Variants in SIM2 observed in about 807,000 individuals in gnomAD.
SIM2 encodes the protein single-minded homolog 2.
In SIM2, 28 loss-of-function variants were observed where a neutral mutation model predicts 64.8. The observed-to-expected ratio is 0.43, with a 90% CI of 0.32 to 0.59. The LOEUF (loss-of-function observed/expected upper bound fraction) is 0.59. Ranked by LOEUF, SIM2 falls within the 20% of genes least tolerant of loss-of-function variation. The pLI, the probability that SIM2 is intolerant of heterozygous loss-of-function variation, is 0.07. For synonymous variants in SIM2, 408 were observed against 391.1 expected, an observed-to-expected ratio of 1.04 and a Z score of -0.51; for missense variants, 847 against 871.4, an observed-to-expected ratio of 0.97 and a Z score of 0.35.
chr21:36,702,393 G>C (rs535514423), intron 1 of SIM2, among the ~76,000 whole-genome samples: 1 of 152,326 alleles, frequency 6.6e-6, no homozygotes, highest in East Asian at 1.9e-4. Flanking sequence ...CAGTGGCTTA[G>C]TCCCTCCCTC....
rs774516027 is a variant in SIM2 at position 36,745,080 on chromosome 21, A to G, written c.1520A>G (p.Asn507Ser). The change falls in exon 10 of 11, where the codon AAT becomes AGT. Residue 507 changes from asparagine to serine, a missense_variant. Asn to Ser is a conservative substitution (Grantham distance 46, BLOSUM62 1). This residue lies in a region of SIM2 where 447 missense variants were observed against 414.6 expected (regional missense o/e 1.08). Coordinates refer to ENST00000290399, the MANE Select transcript of SIM2 (RefSeq NM_005069.6). This position sits in a 1 kb window ranked among gnomAD's most constrained non-coding sequence, Gnocchi z 4.8. ...CCTAGCAGCTCGTCTCCAGCTAAAAATCCTCCAGAGCCACCGGCGAACACT... is the reference window on the plus strand; with the variant it reads ...CCTAGCAGCTCGTCTCCAGCTAAAAGTCCTCCAGAGCCACCGGCGAACACT... ...LVPSSSSPAK[N>S]PPEPPANTAR... 2 of 1,613,218 alleles carry G rather than the reference A, an allele frequency of 1.2e-6. No individual in the cohort carries two copies. The highest frequency in any genetic ancestry group is 1.7e-6 in the Non-Finnish European group (2 of 1,179,354).
intron 7 of SIM2, among the ~76,000 whole-genome samples, chr21:36,737,353 C>G (rs1473651207): frequency 1.3e-5 from 2 of 152,122 alleles, no homozygotes. Context: ...TCCAGCCTGG[C>G]CTCAGGAAAG....
chr21:36,699,631 T>A lies in SIM2; in HGVS notation c.-116T>A. The A allele has an allele frequency of 2.5e-6, 3 of 1,213,066 alleles. No homozygotes were observed. The highest frequency in any genetic ancestry group is 3.3e-6 in the Non-Finnish European group (3 of 901,216). 75.1% of individuals were successfully genotyped at this position (1,213,066 alleles called of 1,614,324 possible). On this transcript the variant is annotated 5_prime_UTR_variant, in exon 1 of 11. Coordinates refer to ENST00000290399, the MANE Select transcript of SIM2 (RefSeq NM_005069.6). The surrounding 1 kb of genome is among the most constrained non-coding windows in gnomAD (Gnocchi z 5.6). ...CCCCCCGCACCTGCCCGCGGCCCACTCCGCGGACTCACCTGGCTCCCGGCT... is the reference window on the plus strand; with the variant it reads ...CCCCCCGCACCTGCCCGCGGCCCACACCGCGGACTCACCTGGCTCCCGGCT...
rs1416695448 is a variant in SIM2, at chr21:36,726,567, C to T, written c.743+249C>T. Among the ~76,000 whole-genome samples, 1 of 152,144 alleles carries T rather than the reference C, an allele frequency of 6.6e-6. No individual in the cohort carries two copies. The highest frequency in any genetic ancestry group is 1.5e-5 in the Non-Finnish European group (1 of 68,032). ...ACTTATTGATTACTTATTTTATTTA[C>T]TTATTGATTACTTGTTTTATTTTAT... On this transcript the variant is annotated intron_variant, in intron 6 of 10. Transcript: ENST00000290399. The surrounding 1 kb of genome is among the most constrained non-coding windows in gnomAD (Gnocchi z 4.5).
chr21:36,744,310 AC>A (rs1366041918), intron 9 of SIM2, among the ~76,000 whole-genome samples: 2 of 130,626 alleles, frequency 1.5e-5, no homozygotes. Context: ...CCACATTATG[AC>A]AAAAAAAAAA....
At chr21:36,717,394 A>C (rs930250545) in intron 3 of SIM2, among the ~76,000 whole-genome samples, 24 of 151,982 alleles carry the variant, frequency 1.6e-4, no homozygotes, top group African/African-American at 5.3e-4. Context: ...TTTCATTTTT[A>C]AAATAAACTG....
intron 7 of SIM2, among the ~76,000 whole-genome samples, chr21:36,741,334 T>A (rs2089155775): frequency 6.6e-6 from 1 of 152,184 alleles, no homozygotes; most frequent in African/African-American, 2.4e-5. Flanking sequence ...TCACCCCCCC[T>A]CCCCATTAAG....
chr21:36,743,927 TA>T (rs898059422), intron 9 of SIM2, among the ~76,000 whole-genome samples: 4 of 152,148 alleles, frequency 2.6e-5, no homozygotes, highest in African/African-American at 9.7e-5. Context: ...TCCCTCTTTT[TA>T]AAAAAGTAGT....
In SIM2 at chr21:36,747,720, G is replaced by C; in HGVS notation, c.1632G>C (p.Pro544=). ...AGGACACCGCGCCCCCGAGCTTCCC[G>C]AGCTGCGGCCACTACCGCGAGGAGC... ...FGEDTAPPSF[P]SCGHYREEPA... is the part of the protein sequence containing the mutation. The change falls in exon 11 of 11, where the codon CCG becomes CCC. Residue 544 remains proline (P), a synonymous_variant. Transcript: ENST00000290399. This position sits in a 1 kb window ranked among gnomAD's most constrained non-coding sequence, Gnocchi z 4.5. 7.9e-7 allele frequency: 1 copy of C among 1,273,472 alleles called. No individual in the cohort carries two copies. Among genetic ancestry groups the C allele is most frequent in the Non-Finnish European group, 9.9e-7 (1 of 1,007,738 alleles). 78.9% of individuals were successfully genotyped at this position (1,273,472 alleles called of 1,614,324 possible). A position where few individuals can be genotyped will look rare whatever the true frequency, so the allele number is the denominator to read the frequency against.
Position 36,702,940 on chromosome 21 carries a change from AAG to A in SIM2, c.175+3021_175+3022del, listed in dbSNP as rs1491450518. 1.8e-3 allele frequency among the ~76,000 whole-genome samples: 25 copies of A among 13,710 alleles called. 1 individual carries two copies. Among genetic ancestry groups the A allele is most frequent in the South Asian group, 0.017 (7 of 422 alleles). The allele number at this position is 13,710 out of a possible 152,430, so 9.0% of individuals were successfully genotyped here. A position where few individuals can be genotyped will look rare whatever the true frequency, so the allele number is the denominator to read the frequency against. On this transcript the variant is annotated intron_variant, in intron 1 of 10. Coordinates refer to ENST00000290399, the MANE Select transcript of SIM2 (RefSeq NM_005069.6). ...GAGACCAGCTTAGGACTCTGGGAGG[AAG>A]AAAAAAAAAAAAAGAATAGCATAGT...
chr21:36,730,053 G>A (rs1234518841), intron 6 of SIM2, among the ~76,000 whole-genome samples: 4 of 152,142 alleles, frequency 2.6e-5, no homozygotes, highest in African/African-American at 9.7e-5. Context: ...CTTCTGGGGG[G>A]TCTGAACCAA....
Position 36,745,954 on chromosome 21 carries a change from A to G in SIM2, c.1576+818A>G. 2 of 1,239,590 alleles carry G rather than the reference A, an allele frequency of 1.6e-6. No individual in the cohort carries two copies. Among genetic ancestry groups the G allele is most frequent in the Non-Finnish European group, 2.1e-6 (2 of 954,560 alleles). 76.8% of individuals were successfully genotyped at this position (1,239,590 alleles called of 1,614,324 possible). ...TTGCACCGAGACCTAACTGCCGCTC[A>G]GAGTGTAGACCGAGATGGTGCAGAT... is the stretch of plus-strand genomic sequence containing the variant. On this transcript the variant is annotated intron_variant, in intron 10 of 10. Transcript: ENST00000290399. The surrounding 1 kb of genome is among the most constrained non-coding windows in gnomAD (Gnocchi z 4.8).
intron 3 of SIM2, among the ~76,000 whole-genome samples, chr21:36,718,740 G>A (rs2088779427): frequency 6.6e-6 from 1 of 152,112 alleles, no homozygotes; most frequent in Non-Finnish European, 1.5e-5. Flanking sequence ...GCCACCCTCA[G>A]CACTATTGAT....
rs1568919566 is a variant in SIM2 at position 36,699,711 on chromosome 21, C to T, written c.-36C>T. 3 of 1,600,470 alleles carry T rather than the reference C, an allele frequency of 1.9e-6. No homozygotes were observed. Among genetic ancestry groups the T allele is most frequent in the East Asian group, 2.3e-5 (1 of 43,722 alleles). ...CGAGCGGGGCTCCGCGGGCCTGGAGCACGGCCGGGTCTAATATGCCCGGAG... is the reference window on the plus strand; with the variant it reads ...CGAGCGGGGCTCCGCGGGCCTGGAGTACGGCCGGGTCTAATATGCCCGGAG... On this transcript the variant is annotated 5_prime_UTR_variant, in exon 1 of 11. Transcript: ENST00000290399. The surrounding 1 kb of genome is among the most constrained non-coding windows in gnomAD (Gnocchi z 5.6).
At chr21:36,709,356 A>G (rs1389398899) in intron 2 of SIM2, 106 bp downstream of exon 2, 4 of 939,530 alleles carry the variant, frequency 4.3e-6, no homozygotes, top group South Asian at 4.2e-5. Context: ...AGGCAGATCC[A>G]GAGGCTGCCG....
chr21:36,749,281 T>C lies in SIM2; in HGVS notation c.*1189T>C, dbSNP rs1354035515. On this transcript the variant is annotated 3_prime_UTR_variant, in exon 11 of 11. Transcript: ENST00000290399. The stretch of plus-strand genomic sequence containing the variant: ...ATGCATTGAACCGCCGTCCTTCAAT[T>C]TTCTTCACACTATCAACACTGCAGC... The C allele has an allele frequency of 6.6e-6, 1 of 152,664 alleles. No homozygotes were observed. Among genetic ancestry groups the C allele is most frequent in the Non-Finnish European group, 1.5e-5 (1 of 68,046 alleles). The allele number at this position is 152,664 out of a possible 1,614,324, so 9.5% of individuals were successfully genotyped here. A position where few individuals can be genotyped will look rare whatever the true frequency, so the allele number is the denominator to read the frequency against.
At position 36,722,080 on chromosome 21, in the gene SIM2, T is replaced by C. The variant is rs2088830132; in HGVS notation, c.458-965T>C. 2.0e-5 allele frequency among the ~76,000 whole-genome samples: 3 copies of C among 152,350 alleles called. No individual in the cohort carries two copies. In the South Asian group the frequency reaches 6.2e-4, roughly 32 times the overall value. On this transcript the variant is annotated intron_variant, in intron 4 of 10. Coordinates refer to ENST00000290399, the MANE Select transcript of SIM2 (RefSeq NM_005069.6). ...GTGTCTGAAATGACCCCCGTTGTTT[T>C]ATGATAAACCTGTGAGAAATGGGCT...
intron 3 of SIM2, 130 bp downstream of exon 3, chr21:36,712,752 T>C (rs1477290775): frequency 4.9e-6 from 3 of 614,046 alleles, no homozygotes; most frequent in African/African-American, 1.8e-5. Flanking sequence ...AACCCTAAAT[T>C]GCAAAATCCT....
Position 36,745,479 on chromosome 21 carries a change from T to A in SIM2, c.1576+343T>A, listed in dbSNP as rs2089218338. The A allele has an allele frequency of 3.4e-6, 4 of 1,177,260 alleles. No individual in the cohort carries two copies. Among genetic ancestry groups the A allele is most frequent in the East Asian group, 5.2e-5 (1 of 19,232 alleles). 72.9% of individuals were successfully genotyped at this position (1,177,260 alleles called of 1,614,324 possible). Reference sequence around the variant, plus strand: ...TCCCATGTGCTGAGAACACCCCAGCTGCATTTCTTTTGCAAGATTCCTTTC... The same window carrying A: ...TCCCATGTGCTGAGAACACCCCAGCAGCATTTCTTTTGCAAGATTCCTTTC... On this transcript the variant is annotated intron_variant, in intron 10 of 10. Coordinates refer to ENST00000290399, the MANE Select transcript of SIM2 (RefSeq NM_005069.6). The surrounding 1 kb of genome is among the most constrained non-coding windows in gnomAD (Gnocchi z 4.8).
Sources: allele counts gnomAD v4.1 joint callset (sites outside exome capture counted in the v4.1 genomes callset), GRCh38; gene constraint gnomAD v4.1.1; regional missense constraint gnomAD v4.1.1; non-coding constraint Gnocchi (gnomAD v3.1); transcripts MANE v1.5; gene names NCBI Gene and HGNC (gene_info 2026-07-23, HGNC 2026-07-21).